The following EIF4G3 variants were observed in gnomAD, a reference collection of about 807,000 sequenced individuals.
The protein encoded by EIF4G3 is eIF-4-gamma 3.
A neutral mutation model predicts 186.4 loss-of-function variants in EIF4G3; 34 were observed. That is an observed-to-expected ratio of 0.18 (90% confidence interval 0.14 to 0.24). The LOEUF is 0.24. Ranked by LOEUF, EIF4G3 falls within the 10% of genes least tolerant of loss-of-function variation. EIF4G3 has a pLI of 1.00. For synonymous variants in EIF4G3, 673 were observed against 679.5 expected (o/e 0.99, Z 0.15); for missense variants, 1,536 against 1,948.5 (o/e 0.79, Z 3.99).
At chr1:21,104,049 T>C (rs1401269752) in intron 2 of EIF4G3, among the ~76,000 whole-genome samples, 1 of 152,170 alleles carries the variant, frequency 6.6e-6, no homozygotes, top group Non-Finnish European at 1.5e-5. Context: ...AAAATGGTGA[T>C]AGCAAAAACA....
At chr1:20,982,341 A>G in intron 8 of EIF4G3, 47 bp downstream of exon 8, 1 of 1,404,570 alleles carries the variant, frequency 7.1e-7, no homozygotes, top group Non-Finnish European at 9.5e-7. Context: ...TGTAATAATA[A>G]GCAGACTGAG....
At chr1:20,975,372 A>AAAAAAAC (rs1157970878) in intron 10 of EIF4G3, among the ~76,000 whole-genome samples, 2 of 151,686 alleles carry the variant, frequency 1.3e-5, no homozygotes, top group African/African-American at 2.4e-5. Context: ...TGATCTCTTA[A>AAAAAAAC]AAAAAACAAA....
chr1:21,157,450 C>A (rs944620821), intron 2 of EIF4G3, among the ~76,000 whole-genome samples: 1 of 151,980 alleles, frequency 6.6e-6, no homozygotes, highest in African/African-American at 2.4e-5. Flanking sequence ...CAACTCACTG[C>A]AGCTTCAACC....
chr1:21,167,479 G>A (rs761248026), intron 2 of EIF4G3, among the ~76,000 whole-genome samples: 31 of 152,224 alleles, frequency 2.0e-4, no homozygotes, highest in Admixed American at 7.2e-4. Flanking sequence ...GACCAGCCTG[G>A]CCAATATATA....
chr1:21,103,563 G>T (rs1444311222), intron 2 of EIF4G3, among the ~76,000 whole-genome samples: 1 of 152,178 alleles, frequency 6.6e-6, no homozygotes, highest in Non-Finnish European at 1.5e-5. Context: ...CAAGATCCAG[G>T]CTGGGCACAC....
chr1:20,950,724 C>A (rs2154563445), intron 12 of EIF4G3, among the ~76,000 whole-genome samples: 1 of 152,168 alleles, frequency 6.6e-6, no homozygotes. Context: ...GAAATCTTGA[C>A]TAAAATATTG....
At chr1:21,075,605 G>T (rs1345476666) in intron 3 of EIF4G3, among the ~76,000 whole-genome samples, 1 of 59,884 alleles carries the variant, frequency 1.7e-5, no homozygotes, top group East Asian at 6.0e-4. Flanking sequence ...AAAAAAAAAA[G>T]ACAGACATAG....
chr1:21,053,092 T>C (rs1374878346), intron 3 of EIF4G3, among the ~76,000 whole-genome samples: 9 of 147,740 alleles, frequency 6.1e-5, no homozygotes, highest in Non-Finnish European at 1.2e-4. Context: ...GTCTGGAAAG[T>C]GAGGAGCGTC....
intron 19 of EIF4G3, among the ~76,000 whole-genome samples, chr1:20,882,193 AC>A (rs2082564259): frequency 4.0e-5 from 6 of 151,634 alleles, no homozygotes; most frequent in South Asian, 2.1e-4. Flanking sequence ...ACACACACAC[AC>A]ACACACACAC....
chr1:20,827,206 C>T (rs577620838), intron 32 of EIF4G3, among the ~76,000 whole-genome samples: 8 of 152,200 alleles, frequency 5.3e-5, no homozygotes, highest in Non-Finnish European at 8.8e-5. Context: ...TAACAAAGCA[C>T]TTTCACTCTT....
chr1:21,167,999 C>G, intron 2 of EIF4G3: 1 of 469,280 alleles, frequency 2.1e-6, no homozygotes, highest in Admixed American at 2.4e-5. Flanking sequence ...AATGTGCAGT[C>G]ATAACTTCTA....
At chr1:20,895,844 T>C (rs74520459) in intron 16 of EIF4G3, among the ~76,000 whole-genome samples, 145 of 152,366 alleles carry the variant, frequency 9.5e-4, no homozygotes, top group Admixed American at 6.9e-3. Flanking sequence ...GTATCTACTG[T>C]ACTATACTTT....
At chr1:20,916,900 A>C (rs1572762043) in intron 14 of EIF4G3, among the ~76,000 whole-genome samples, 1 of 152,366 alleles carries the variant, frequency 6.6e-6, no homozygotes, top group East Asian at 1.9e-4. Flanking sequence ...TGGTGGGAAT[A>C]TAAAATGGCA....
intron 14 of EIF4G3, among the ~76,000 whole-genome samples, chr1:20,939,029 C>G (rs1025519464): frequency 9.3e-5 from 14 of 151,228 alleles, no homozygotes; most frequent in Admixed American, 4.0e-4. Context: ...ATTGCTTGAA[C>G]CTGGGAGCCA....
At chr1:21,014,752 G>A (rs1245689728) in intron 4 of EIF4G3, among the ~76,000 whole-genome samples, 1 of 136,590 alleles carries the variant, frequency 7.3e-6, no homozygotes, top group Admixed American at 7.9e-5. Flanking sequence ...CTCCTGCCCA[G>A]CCTCCCTAGT....
chr1:21,077,417 A>G (rs1277418004), intron 3 of EIF4G3, among the ~76,000 whole-genome samples: 1 of 151,796 alleles, frequency 6.6e-6, no homozygotes, highest in Non-Finnish European at 1.5e-5. Flanking sequence ...AAAAAAAAGA[A>G]AAAAAAAGGA....
chr1:20,898,913 C>G (rs907595534), intron 16 of EIF4G3, among the ~76,000 whole-genome samples: 1 of 151,972 alleles, frequency 6.6e-6, no homozygotes, highest in Non-Finnish European at 1.5e-5. Context: ...TATTTTTAGT[C>G]GAGACGGGGT....
intron 6 of EIF4G3, 84 bp from the exon 7 acceptor site, chr1:20,997,717 T>C: frequency 1.8e-6 from 2 of 1,124,502 alleles, no homozygotes; most frequent in South Asian, 3.3e-5. Context: ...TTTCACACAA[T>C]ATGCCAAAAG....
At chr1:21,021,480 C>T (rs1282638381) in intron 4 of EIF4G3, among the ~76,000 whole-genome samples, 2 of 152,158 alleles carry the variant, frequency 1.3e-5, no homozygotes, top group Non-Finnish European at 2.9e-5. Flanking sequence ...AGTGCTCTCT[C>T]CTTCAAAGCC....
Sources: allele counts gnomAD v4.1 joint callset (sites outside exome capture counted in the v4.1 genomes callset), GRCh38; gene constraint gnomAD v4.1.1; transcripts MANE v1.5; gene names NCBI Gene and HGNC (gene_info 2026-07-23, HGNC 2026-07-21).